Variants in NTN4 observed in about 807,000 individuals in gnomAD.
NTN4 encodes netrin-4.
NTN4 carries 32 observed loss-of-function variants against 73.6 expected under a neutral mutation model. The ratio of observed to expected loss-of-function variants is 0.44; its 90% CI spans 0.33 to 0.58. NTN4 has a LOEUF of 0.58. NTN4 is among the 20% of genes least tolerant of loss of function. The probability of loss-of-function intolerance (pLI) is 0.04; values close to 1 mark genes in which losing one functional copy is unlikely to be tolerated. For missense variants in NTN4, 654 were observed against 798.3 expected (o/e 0.82, Z 2.18); for synonymous variants, 258 against 287.5 (o/e 0.90, Z 1.04).
At chr12:95,743,296 T>C (rs2078839560) in intron 2 of NTN4, among the ~76,000 whole-genome samples, 1 of 152,208 alleles carries the variant, frequency 6.6e-6, no homozygotes, top group Non-Finnish European at 1.5e-5. Flanking sequence ...TTTTTCTTTT[T>C]CATTGGTTTC....
intron 7 of NTN4, among the ~76,000 whole-genome samples, chr12:95,677,780 A>G (rs2078284058): frequency 6.6e-6 from 1 of 152,216 alleles, no homozygotes; most frequent in Non-Finnish European, 1.5e-5. Flanking sequence ...CAGTGTGGTG[A>G]TTCCTCAAGG....
At chr12:95,684,761 C>T (rs998597179) in intron 5 of NTN4, among the ~76,000 whole-genome samples, 2 of 152,298 alleles carry the variant, frequency 1.3e-5, no homozygotes, top group African/African-American at 4.8e-5. Flanking sequence ...TGTTTGTATA[C>T]ATACATATAT....
At chr12:95,745,395 T>C (rs1355086338) in intron 2 of NTN4, among the ~76,000 whole-genome samples, 2 of 152,168 alleles carry the variant, frequency 1.3e-5, no homozygotes, top group Non-Finnish European at 2.9e-5. Context: ...TTGCTACGTA[T>C]TAAACGTCAC....
intron 2 of NTN4, among the ~76,000 whole-genome samples, chr12:95,756,068 A>T (rs1592706758): frequency 1.3e-5 from 2 of 152,330 alleles, no homozygotes; most frequent in African/African-American, 4.8e-5. Context: ...GCCAAGTGTC[A>T]ATCAATAGGT....
At chr12:95,757,652 G>T (rs1284578063) in intron 2 of NTN4, among the ~76,000 whole-genome samples, 3 of 150,122 alleles carry the variant, frequency 2.0e-5, no homozygotes, top group African/African-American at 4.9e-5. Flanking sequence ...GCCATCTATG[G>T]TTAGAGCTCA....
intron 2 of NTN4, among the ~76,000 whole-genome samples, chr12:95,777,671 C>T (rs113092054): frequency 6.6e-6 from 1 of 152,064 alleles, no homozygotes; most frequent in African/African-American, 2.4e-5. Context: ...TAAAGCAAGT[C>T]CTTAGAGACC....
At chr12:95,689,589 T>C (rs973862319) in intron 5 of NTN4, among the ~76,000 whole-genome samples, 2 of 152,214 alleles carry the variant, frequency 1.3e-5, no homozygotes, top group African/African-American at 4.8e-5. Flanking sequence ...GGGAGCTCTG[T>C]TGGTATCTTC....
At chr12:95,739,198 G>A (rs1421422133) in intron 2 of NTN4, among the ~76,000 whole-genome samples, 3 of 152,172 alleles carry the variant, frequency 2.0e-5, no homozygotes, top group Non-Finnish European at 4.4e-5. Flanking sequence ...CTTGGCATTT[G>A]TGTAATAGGT....
chr12:95,768,567 G>A (rs778017314), intron 2 of NTN4, among the ~76,000 whole-genome samples: 2 of 152,044 alleles, frequency 1.3e-5, no homozygotes, highest in Non-Finnish European at 2.9e-5. Context: ...AAGAGGCCAG[G>A]GGGGCATTCA....
At chr12:95,725,968 T>C (rs2078690751) in intron 3 of NTN4, among the ~76,000 whole-genome samples, 1 of 152,192 alleles carries the variant, frequency 6.6e-6, no homozygotes, top group Non-Finnish European at 1.5e-5. Flanking sequence ...CCAAAAGCTA[T>C]TGCTTTTGAA....
chr12:95,785,544 G>A (rs1435136854), intron 2 of NTN4, among the ~76,000 whole-genome samples: 1 of 152,198 alleles, frequency 6.6e-6, no homozygotes, highest in Non-Finnish European at 1.5e-5. Context: ...CACTATTCTT[G>A]CTGGTCTCTT....
chr12:95,772,002 T>C (rs4341611), intron 2 of NTN4, among the ~76,000 whole-genome samples: 93,399 of 151,930 alleles, frequency 0.61, 29,354 homozygotes, highest in South Asian at 0.78. Context: ...TGTTGCTTAA[T>C]TGAACAAAAG....
intron 9 of NTN4, among the ~76,000 whole-genome samples, chr12:95,660,891 G>C (rs2078132377): frequency 6.6e-6 from 1 of 152,128 alleles, no homozygotes; most frequent in South Asian, 2.1e-4. Context: ...CAACCATACA[G>C]GCCTCTTGGA....
At chr12:95,750,899 C>T (rs1372630426) in intron 2 of NTN4, among the ~76,000 whole-genome samples, 2 of 152,208 alleles carry the variant, frequency 1.3e-5, no homozygotes, top group East Asian at 1.9e-4. Context: ...AGCCCTCCCC[C>T]ACCTGCCCAG....
chr12:95,726,365 A>T (rs941997179), intron 3 of NTN4, among the ~76,000 whole-genome samples: 3 of 152,184 alleles, frequency 2.0e-5, no homozygotes, highest in Admixed American at 6.6e-5. Flanking sequence ...AAAAGGAATA[A>T]TACAATATGT....
chr12:95,783,845 G>A (rs1323846937), intron 2 of NTN4, among the ~76,000 whole-genome samples: 1 of 152,188 alleles, frequency 6.6e-6, no homozygotes, highest in Non-Finnish European at 1.5e-5. Context: ...GTTCTTCTGG[G>A]TGAATTTTTG....
chr12:95,669,964 GC>G, intron 8 of NTN4, 113 bp downstream of exon 8: 1 of 583,934 alleles, frequency 1.7e-6, no homozygotes, highest in Non-Finnish European at 3.0e-6. Context: ...TAAGACTAAT[GC>G]TTTGTGCTTT....
At chr12:95,723,103 T>G (rs1482364849) in intron 3 of NTN4, among the ~76,000 whole-genome samples, 2 of 152,030 alleles carry the variant, frequency 1.3e-5, no homozygotes, top group Non-Finnish European at 2.9e-5. Flanking sequence ...TCTGTCTTAC[T>G]CTTCAGAATA....
chr12:95,672,832 G>A lies in NTN4; in HGVS notation c.1511-2686C>T, dbSNP rs372362700. The A allele has an allele frequency of 2.4e-3, 3,232 of 1,363,408 alleles. 92 individuals are homozygous for A. In the South Asian group the frequency reaches 0.036, roughly 15 times the overall value. The allele number at this position is 1,363,408 out of a possible 1,614,324, so 84.5% of individuals were successfully genotyped here. ...TAAAGAAATAGTTCCCCAGATCAAGGAAGGGAAATGGGTACTGATTGCAGC... is the reference window on the plus strand; with the variant it reads ...TAAAGAAATAGTTCCCCAGATCAAGAAAGGGAAATGGGTACTGATTGCAGC... On this transcript the variant is annotated intron_variant, in intron 7 of 9. Coordinates refer to ENST00000343702, the MANE Select transcript of NTN4 (RefSeq NM_021229.4).
Sources: allele counts gnomAD v4.1 joint callset (sites outside exome capture counted in the v4.1 genomes callset), GRCh38; gene constraint gnomAD v4.1.1; transcripts MANE v1.5; gene names NCBI Gene and HGNC (gene_info 2026-07-23, HGNC 2026-07-21).